The following DENND2A variants were observed in gnomAD, a reference collection of about 807,000 sequenced individuals.
The protein encoded by DENND2A is DENN domain-containing protein 2A.
Under a neutral mutation model 105.3 loss-of-function variants are expected in DENND2A, and 53 were observed. The ratio of observed to expected loss-of-function variants is 0.50; its 90% CI spans 0.40 to 0.63. The LOEUF (loss-of-function observed/expected upper bound fraction) is 0.63, where lower values mean the gene tolerates loss of function less well. Among genes scored for constraint, DENND2A ranks in the 30% least tolerant of loss-of-function variants. The probability of loss-of-function intolerance (pLI) is 0.00; values close to 1 mark genes in which losing one functional copy is unlikely to be tolerated. For synonymous variants in DENND2A, 522 were observed against 508.4 expected, an observed-to-expected ratio of 1.03 and a Z score of -0.36; for missense variants, 1,138 against 1,279.6, an observed-to-expected ratio of 0.89 and a Z score of 1.69.
intron 12 of DENND2A, among the ~76,000 whole-genome samples, chr7:140,548,382 T>C (rs894928066): frequency 1.3e-5 from 2 of 150,944 alleles, no homozygotes; most frequent in African/African-American, 4.9e-5. Context: ...TGAAGCTGGG[T>C]GAGATGGCAC....
At chr7:140,596,183 A>G (rs1425601649) in intron 3 of DENND2A, among the ~76,000 whole-genome samples, 3 of 152,242 alleles carry the variant, frequency 2.0e-5, no homozygotes, top group Non-Finnish European at 4.4e-5. Context: ...ATGAGAAATG[A>G]CATGAAAATC....
At chr7:140,536,559 A>G (rs552595518) in intron 14 of DENND2A, among the ~76,000 whole-genome samples, 5 of 152,230 alleles carry the variant, frequency 3.3e-5, no homozygotes, top group Non-Finnish European at 7.3e-5. Context: ...ATTTGTGGCT[A>G]TGCCAAACTC....
In DENND2A at chr7:140,640,752, G is replaced by C. The variant is rs1226911271; in HGVS notation, c.-496C>G. The C allele has an allele frequency of 6.8e-6, 1 of 148,050 alleles. No homozygotes were observed. The highest frequency in any genetic ancestry group is 1.5e-5 in the Non-Finnish European group (1 of 67,104). 9.2% of individuals were successfully genotyped at this position (148,050 alleles called of 1,614,324 possible). A position where few individuals can be genotyped will look rare whatever the true frequency, so the allele number is the denominator to read the frequency against. The stretch of plus-strand genomic sequence containing the variant: ...CCCCAGCGGCGCGCTTCCCTCGGCC[G>C]GCCCAGCGCAGGCTCGCCCGCGGCC... On this transcript the variant is annotated 5_prime_UTR_variant, in exon 1 of 20. Coordinates refer to ENST00000496613, the MANE Select transcript of DENND2A (RefSeq NM_015689.5). This position sits in a 1 kb window ranked among gnomAD's most constrained non-coding sequence, Gnocchi z 4.9.
Position 140,559,526 on chromosome 7 carries a change from A to G in DENND2A, c.1889+182T>C, listed in dbSNP as rs1042228572. Among the ~76,000 whole-genome samples the G allele has an allele frequency of 6.6e-6, 1 of 152,176 alleles. No individual in the cohort carries two copies. Among genetic ancestry groups the G allele is most frequent in the African/African-American group, 2.4e-5 (1 of 41,446 alleles). ...TGAGTGGGAAGCCCGGGAGGTCTGC[A>G]TGCTGGGCAGGTGACTTCACCTTCA... is the stretch of plus-strand genomic sequence containing the variant. On this transcript the variant is annotated intron_variant, in intron 10 of 19. Transcript: ENST00000496613. The surrounding 1 kb of genome is among the most constrained non-coding windows in gnomAD (Gnocchi z 4.1).
chr7:140,605,901 C>T (rs1037263864), intron 1 of DENND2A, 95 bp from the exon 2 acceptor site: 1 of 152,128 alleles, frequency 6.6e-6, no homozygotes, highest in Non-Finnish European at 1.5e-5. Flanking sequence ...ACTATTTATT[C>T]CTGATAGATT....
At chr7:140,579,398 CT>C (rs58295791) in intron 5 of DENND2A, among the ~76,000 whole-genome samples, 30,950 of 147,340 alleles carry the variant, frequency 0.21, 4,399 homozygotes, top group African/African-American at 0.42. Context: ...CAAATCTTTT[CT>C]TTTTTTTTTT....
intron 14 of DENND2A, among the ~76,000 whole-genome samples, chr7:140,541,156 G>GT (rs141354647): frequency 0.033 from 4,974 of 151,932 alleles, 252 homozygotes; most frequent in African/African-American, 0.11. Flanking sequence ...ATGTTTTTAA[G>GT]TTTTTTTTCT....
intron 4 of DENND2A, among the ~76,000 whole-genome samples, chr7:140,586,523 A>C (rs6971144): frequency 0.12 from 17,826 of 152,024 alleles, 2,914 homozygotes; most frequent in African/African-American, 0.37. Context: ...TGTGCCGTTG[A>C]ACTCCTGGGT....
intron 3 of DENND2A, among the ~76,000 whole-genome samples, chr7:140,598,675 A>G (rs1799372127): frequency 6.6e-6 from 1 of 152,186 alleles, no homozygotes; most frequent in South Asian, 2.1e-4. Context: ...AGACCATATG[A>G]GAAAAAAGAC....
rs1585533458 is a variant in DENND2A, at chr7:140,518,533, C to T, written c.*174G>A. ...GGGCTCCCTTTCTGGGGCTGTCCTC[C>T]CAGGCGGCTCCCAGGTCCTCATCCA... is the stretch of plus-strand genomic sequence containing the variant. On this transcript the variant is annotated 3_prime_UTR_variant, in exon 20 of 20. Coordinates refer to ENST00000496613, the MANE Select transcript of DENND2A (RefSeq NM_015689.5). 1.8e-6 allele frequency: 1 copy of T among 543,736 alleles called. No homozygotes were observed. The allele number at this position is 543,736 out of a possible 1,614,324, so 33.7% of individuals were successfully genotyped here.
At chr7:140,629,487 G>A (rs1800657548) in intron 1 of DENND2A, among the ~76,000 whole-genome samples, 2 of 152,094 alleles carry the variant, frequency 1.3e-5, no homozygotes, top group South Asian at 2.1e-4. Flanking sequence ...CAGGACTCAC[G>A]TGGGAGCCAG....
At chr7:140,584,936 T>G (rs1798716497) in intron 5 of DENND2A, among the ~76,000 whole-genome samples, 1 of 152,202 alleles carries the variant, frequency 6.6e-6, no homozygotes, top group African/African-American at 2.4e-5. Context: ...CGGTGGCTCA[T>G]GCCTGTAATC....
chr7:140,547,994 AG>A (rs1275659532), intron 12 of DENND2A, among the ~76,000 whole-genome samples: 1 of 152,192 alleles, frequency 6.6e-6, no homozygotes, highest in African/African-American at 2.4e-5. Context: ...TAATAGGTAT[AG>A]GGTGTTTTGT....
intron 13 of DENND2A, among the ~76,000 whole-genome samples, chr7:140,546,411 T>C (rs1462083359): frequency 6.6e-6 from 1 of 152,078 alleles, no homozygotes; most frequent in Non-Finnish European, 1.5e-5. Flanking sequence ...GTGCAAGACT[T>C]TGTCTCAAAA....
rs1297867692 is a variant in DENND2A at position 140,612,921 on chromosome 7, C to A, written c.-247-7115G>T. On this transcript the variant is annotated intron_variant, in intron 1 of 19. Transcript: ENST00000496613. ...CCTGAGGTCAGGAGTTCAAGACCACCCTTACTAACATGGAGAAACGCTGTC... is the reference window on the plus strand; with the variant it reads ...CCTGAGGTCAGGAGTTCAAGACCACACTTACTAACATGGAGAAACGCTGTC... 3.3e-5 allele frequency among the ~76,000 whole-genome samples: 5 copies of A among 151,828 alleles called. No individual in the cohort carries two copies. The East Asian group carries it at 9.9e-4, about 30-fold the overall frequency.
chr7:140,565,688 A>G (rs1797807846), intron 9 of DENND2A, among the ~76,000 whole-genome samples: 1 of 152,194 alleles, frequency 6.6e-6, no homozygotes, highest in Non-Finnish European at 1.5e-5. Context: ...AACCACAGCG[A>G]GTCCATCCTG....
chr7:140,540,695 G>A (rs539562374), intron 14 of DENND2A, among the ~76,000 whole-genome samples: 25 of 152,184 alleles, frequency 1.6e-4, no homozygotes, highest in Non-Finnish European at 2.8e-4. Flanking sequence ...AGACGTCACT[G>A]GGGCAGGCAT....
At chr7:140,592,439 C>T (rs976775143) in intron 3 of DENND2A, among the ~76,000 whole-genome samples, 4 of 152,018 alleles carry the variant, frequency 2.6e-5, no homozygotes, top group South Asian at 2.1e-4. Context: ...TTTTGATCTC[C>T]TGACGTTGTG....
rs1585535716 is a variant in DENND2A at position 140,519,506 on chromosome 7, G to GC, written c.2998+125dup. The GC allele has an allele frequency of 1.8e-5, 13 of 728,574 alleles. No homozygotes were observed. In the East Asian group the frequency reaches 3.3e-4, roughly 19 times the overall value. The allele number at this position is 728,574 out of a possible 1,614,324, so 45.1% of individuals were successfully genotyped here. A position where few individuals can be genotyped will look rare whatever the true frequency, so the allele number is the denominator to read the frequency against. On this transcript the variant is annotated intron_variant, in intron 19 of 19. Transcript: ENST00000496613. The stretch of plus-strand genomic sequence containing the variant: ...GGAGGTTAAAATGCCAGTAGCATCT[G>GC]CCCAGCGCAGGCCGTAGAGCTCTGC...
Sources: allele counts gnomAD v4.1 joint callset (sites outside exome capture counted in the v4.1 genomes callset), GRCh38; gene constraint gnomAD v4.1.1; non-coding constraint Gnocchi (gnomAD v3.1); transcripts MANE v1.5; gene names NCBI Gene and HGNC (gene_info 2026-07-23, HGNC 2026-07-21).